Variants in A2M observed in about 807,000 individuals in gnomAD.
A2M encodes alpha-2-macroglobulin, also known as C3 and PZP-like alpha-2-macroglobulin domain-containing protein 5.
A2M carries 128 observed loss-of-function variants against 183.9 expected under a neutral mutation model. That is an observed-to-expected ratio of 0.70 (90% CI 0.60 to 0.81). The LOEUF is 0.81. A2M is among the 30% of genes least tolerant of loss of function. The probability of loss-of-function intolerance (pLI) is 0.00; values close to 1 mark genes in which losing one functional copy is unlikely to be tolerated. For missense variants in A2M, 1,495 were observed against 1,787.6 expected, an observed-to-expected ratio of 0.84 and a Z score of 2.95; for synonymous variants, 592 against 670.8, an observed-to-expected ratio of 0.88 and a Z score of 1.81.
intron 22 of A2M, among the ~76,000 whole-genome samples, chr12:9,087,113 G>T (rs755278951): frequency 6.8e-6 from 1 of 147,054 alleles, no homozygotes; most frequent in South Asian, 2.1e-4. Flanking sequence ...ACTGATGAAA[G>T]AAATCAAAGA....
intron 22 of A2M, among the ~76,000 whole-genome samples, chr12:9,086,902 A>G (rs1233793285): frequency 1.3e-5 from 2 of 152,214 alleles, no homozygotes; most frequent in Admixed American, 6.5e-5. Flanking sequence ...AGACTTCACC[A>G]AAGGGCTGCA....
intron 1 of A2M, among the ~76,000 whole-genome samples, chr12:9,114,595 A>G (rs917360642): frequency 3.9e-5 from 6 of 152,072 alleles, no homozygotes; most frequent in Non-Finnish European, 2.9e-5. Flanking sequence ...CATGCCAATT[A>G]CCATACAGAA....
At chr12:9,106,724 C>T (rs181158443) in intron 8 of A2M, 119 bp from the exon 9 acceptor site, 42 of 465,932 alleles carry the variant, frequency 9.0e-5, no homozygotes, top group Admixed American at 4.2e-4. Flanking sequence ...TTTTCTATGA[C>T]GAGGACACAA....
At chr12:9,108,619 T>G (rs1383325354) in intron 7 of A2M, among the ~76,000 whole-genome samples, 1 of 152,204 alleles carries the variant, frequency 6.6e-6, no homozygotes, top group African/African-American at 2.4e-5. Context: ...CCTAGCTGAA[T>G]AGTAGGTGTA....
At position 9,077,335 on chromosome 12, in the gene A2M, G is replaced by A. The variant is rs192780426; in HGVS notation, c.3351+11C>T. 8 of 1,610,020 alleles carry A rather than the reference G, an allele frequency of 5.0e-6. No individual in the cohort carries two copies. Among genetic ancestry groups the A allele is most frequent in the Non-Finnish European group, 6.8e-6 (8 of 1,176,996 alleles). ...AACTCTCCTTCAGCAGAGGAATGGG[G>A]TGGTACCTACAGTGACTGTGAGAGG... is the stretch of plus-strand genomic sequence containing the variant. On this transcript the variant is annotated intron_variant, in intron 27 of 35. Coordinates refer to ENST00000318602, the MANE Select transcript of A2M (RefSeq NM_000014.6).
At chr12:9,089,151 T>G in intron 22 of A2M, 49 bp downstream of exon 22, 1 of 1,380,724 alleles carries the variant, frequency 7.2e-7, no homozygotes, top group East Asian at 2.5e-5. Context: ...TCTTTGAACT[T>G]TAAATGTTAG....
In A2M at chr12:9,072,715, A is replaced by G; in HGVS notation, c.3913T>C (p.Leu1305=). The change falls in exon 30 of 36, where the codon TTG becomes CTG. Residue 1305 remains leucine (L), a synonymous_variant. Transcript: ENST00000318602. Reference sequence around the variant, plus strand: ...CTGTATTCCCCAGGCAGCTCTGGCAATGAGACCTGCTGCAGTAACAGGCGG... The same window carrying G: ...CTGTATTCCCCAGGCAGCTCTGGCAGTGAGACCTGCTGCAGTAACAGGCGG... ...NNRLLLQQVS[L]PELPGEYSMK... 1 of 1,614,148 alleles carries G rather than the reference A, an allele frequency of 6.2e-7. No individual in the cohort carries two copies. Among genetic ancestry groups the G allele is most frequent in the Middle Eastern group, 1.6e-4 (1 of 6,062 alleles).
intron 22 of A2M, among the ~76,000 whole-genome samples, chr12:9,083,274 A>C (rs1948960974): frequency 6.6e-6 from 1 of 152,092 alleles, no homozygotes; most frequent in Non-Finnish European, 1.5e-5. Flanking sequence ...TAGCATTAGG[A>C]GATATAGCTA....
chr12:9,073,326 C>CA (rs144705689), intron 29 of A2M, among the ~76,000 whole-genome samples: 39,802 of 152,072 alleles, frequency 0.26, 6,354 homozygotes, highest in Non-Finnish European at 0.34. Flanking sequence ...TCTTTGCAGC[C>CA]ATGAGCAGAG....
rs745394864 is a variant in A2M at position 9,115,908 on chromosome 12, C to A, written c.-59G>T. ...TGTATTGTACCCTACTCCCTACAATCCATCTGGTCCCAAACACTTCCCAAA... is the reference window on the plus strand; with the variant it reads ...TGTATTGTACCCTACTCCCTACAATACATCTGGTCCCAAACACTTCCCAAA... On this transcript the variant is annotated 5_prime_UTR_variant, in exon 1 of 36. Transcript: ENST00000318602. 1 of 1,408,820 alleles carries A rather than the reference C, an allele frequency of 7.1e-7. No homozygotes were observed. The highest frequency in any genetic ancestry group is 1.4e-5 in the African/African-American group (1 of 70,674). The allele number at this position is 1,408,820 out of a possible 1,614,324, so 87.3% of individuals were successfully genotyped here.
At chr12:9,106,646 T>A in intron 8 of A2M, 41 bp from the exon 9 acceptor site, 1 of 1,026,350 alleles carries the variant, frequency 9.7e-7, no homozygotes, top group Non-Finnish European at 1.5e-6. Context: ...ATAATGCATA[T>A]TATACTAAAT....
intron 2 of A2M, 147 bp downstream of exon 2, chr12:9,113,213 C>T (rs1324472890): frequency 2.7e-6 from 2 of 741,228 alleles, no homozygotes; most frequent in Non-Finnish European, 4.2e-6. Flanking sequence ...TCATGCATTG[C>T]TCCTTAATTT....
chr12:9,069,696 G>A (rs1948506042), intron 33 of A2M, 49 bp downstream of exon 33: 7 of 1,457,252 alleles, frequency 4.8e-6, no homozygotes, highest in Non-Finnish European at 5.7e-6. Flanking sequence ...TGTTCCCTTA[G>A]AGGATTATTA....
At chr12:9,070,387 G>T in intron 32 of A2M, 101 bp downstream of exon 32, 1 of 802,830 alleles carries the variant, frequency 1.2e-6, no homozygotes, top group Non-Finnish European at 2.1e-6. Flanking sequence ...GGCTTTGATA[G>T]AGATTGACTT....
At chr12:9,098,567 G>C (rs1228231136) in intron 15 of A2M, 40 bp downstream of exon 15, 1 of 1,562,186 alleles carries the variant, frequency 6.4e-7, no homozygotes, top group Non-Finnish European at 8.7e-7. Flanking sequence ...TGAGCCCCTG[G>C]CACGGCCCTT....
intron 18 of A2M, among the ~76,000 whole-genome samples, chr12:9,092,227 C>T (rs1260348157): frequency 6.6e-6 from 1 of 152,102 alleles, no homozygotes; most frequent in African/African-American, 2.4e-5. Flanking sequence ...TCTGAACATA[C>T]CCCTGGGAAT....
At chr12:9,080,354 GTGATT>G in intron 22 of A2M, 177 bp from the exon 23 acceptor site, 1 of 390,008 alleles carries the variant, frequency 2.6e-6, no homozygotes, top group Non-Finnish European at 4.6e-6. Flanking sequence ...CTGGTTTCCT[GTGATT>G]TTCAGAATTT....
chr12:9,086,658 T>C (rs1334996447), intron 22 of A2M, among the ~76,000 whole-genome samples: 1 of 152,226 alleles, frequency 6.6e-6, no homozygotes, highest in African/African-American at 2.4e-5. Context: ...ATAAAGGGCA[T>C]GTATGATAAA....
At chr12:9,110,067 A>G in intron 5 of A2M, 32 bp from the exon 6 acceptor site, 2 of 1,579,152 alleles carry the variant, frequency 1.3e-6, no homozygotes, top group South Asian at 2.3e-5. Context: ...AACTTACAAA[A>G]GCACCTGGAG....
Sources: allele counts gnomAD v4.1 joint callset (sites outside exome capture counted in the v4.1 genomes callset), GRCh38; gene constraint gnomAD v4.1.1; transcripts MANE v1.5; gene names NCBI Gene and HGNC (gene_info 2026-07-23, HGNC 2026-07-21).